The following PDE7B variants were observed in gnomAD, a reference collection of about 807,000 sequenced individuals.
PDE7B encodes phosphodiesterase 7B, also known as 3',5'-cyclic-AMP phosphodiesterase 7B.
In PDE7B, 29 loss-of-function variants were observed where a neutral mutation model predicts 56.2. The observed-to-expected ratio is 0.52, with a 90% confidence interval of 0.38 to 0.70. The LOEUF is 0.70. PDE7B is among the 30% of genes least tolerant of loss of function. The probability of loss-of-function intolerance (pLI) is 0.00; values close to 1 mark genes in which losing one functional copy is unlikely to be tolerated. For synonymous variants in PDE7B, 197 were observed against 196.9 expected, an observed-to-expected ratio of 1.00 and a Z score of 0.00; for missense variants, 490 against 565.0, an observed-to-expected ratio of 0.87 and a Z score of 1.35.
At chr6:136,005,740 CT>C (rs1199398676) in intron 2 of PDE7B, among the ~76,000 whole-genome samples, 9 of 152,142 alleles carry the variant, frequency 5.9e-5, no homozygotes, top group African/African-American at 2.2e-4. Context: ...AATAGGAACA[CT>C]TTTACACTGT....
intron 3 of PDE7B, among the ~76,000 whole-genome samples, chr6:136,142,004 G>A (rs147192023): frequency 1.5e-3 from 223 of 152,024 alleles, no homozygotes; most frequent in African/African-American, 4.1e-3. Flanking sequence ...TAGCTTTTGC[G>A]TGTGTTTGCT....
intron 2 of PDE7B, among the ~76,000 whole-genome samples, chr6:136,017,176 A>C (rs533603250): frequency 6.6e-6 from 1 of 152,344 alleles, no homozygotes; most frequent in East Asian, 1.9e-4. Flanking sequence ...TATATTACAC[A>C]TTCATAGAAC....
chr6:136,155,076 G>A (rs975375329), intron 7 of PDE7B, among the ~76,000 whole-genome samples: 2 of 152,094 alleles, frequency 1.3e-5, no homozygotes, highest in Non-Finnish European at 1.5e-5. Context: ...CCGTGTCTCT[G>A]CTTATTTTCC....
intron 1 of PDE7B, among the ~76,000 whole-genome samples, chr6:135,884,326 G>A (rs551726689): frequency 2.2e-4 from 34 of 152,242 alleles, no homozygotes; most frequent in South Asian, 8.3e-4. Context: ...CTCCAGTGGC[G>A]CAATCAGCTA....
chr6:135,883,367 A>G (rs10872447), intron 1 of PDE7B, among the ~76,000 whole-genome samples: 68,731 of 152,014 alleles, frequency 0.45, 17,000 homozygotes, highest in Non-Finnish European at 0.55. Flanking sequence ...AATAATAACA[A>G]TTCAGCAAAG....
At chr6:136,074,758 T>G (rs1583867076) in intron 2 of PDE7B, among the ~76,000 whole-genome samples, 1 of 152,348 alleles carries the variant, frequency 6.6e-6, no homozygotes, top group Middle Eastern at 3.4e-3. Flanking sequence ...TGACTGGATC[T>G]CATTCTTTTT....
chr6:136,091,558 G>T (rs1248783942), intron 2 of PDE7B, among the ~76,000 whole-genome samples: 1 of 152,174 alleles, frequency 6.6e-6, no homozygotes, highest in Non-Finnish European at 1.5e-5. Context: ...TTACTTAACT[G>T]CTGTTGATGA....
intron 2 of PDE7B, chr6:136,043,958 C>T (rs1583845001): frequency 1.3e-5 from 2 of 152,272 alleles, no homozygotes; most frequent in East Asian, 1.9e-4. Flanking sequence ...TTTTTCCAGT[C>T]TTATTTGTCA....
intron 1 of PDE7B, among the ~76,000 whole-genome samples, chr6:135,855,519 G>T (rs1383269862): frequency 6.6e-6 from 1 of 152,126 alleles, no homozygotes; most frequent in Non-Finnish European, 1.5e-5. Flanking sequence ...ATTTTTATAT[G>T]ATGATCTATA....
At chr6:136,012,447 G>C (rs898045243) in intron 2 of PDE7B, among the ~76,000 whole-genome samples, 2 of 152,158 alleles carry the variant, frequency 1.3e-5, no homozygotes, top group Non-Finnish European at 2.9e-5. Flanking sequence ...TGCTTCCTTT[G>C]TCCTAACTTA....
chr6:136,079,683 C>T lies in PDE7B; in HGVS notation c.83-29048C>T, dbSNP rs1459549282. 5.5e-5 allele frequency among the ~76,000 whole-genome samples: 8 copies of T among 144,416 alleles called. No homozygotes were observed. The South Asian group carries it at 6.5e-4, about 12-fold the overall frequency. The allele number at this position is 144,416 out of a possible 152,430, so 94.7% of individuals were successfully genotyped here. A position where few individuals can be genotyped will look rare whatever the true frequency, so the allele number is the denominator to read the frequency against. ...AGGGCTAAATCCCAACTTTAGCAGC[C>T]GGAAGTCGCAACTGAAGAGACCAGC... On this transcript the variant is annotated intron_variant, in intron 2 of 12. Coordinates refer to ENST00000308191, the MANE Select transcript of PDE7B (RefSeq NM_018945.4).
At chr6:136,034,567 G>A (rs913066699) in intron 2 of PDE7B, 1 of 152,164 alleles carries the variant, frequency 6.6e-6, no homozygotes, top group African/African-American at 2.4e-5. Flanking sequence ...GGCATCACCG[G>A]GGCTCACCTT....
intron 12 of PDE7B, among the ~76,000 whole-genome samples, chr6:136,191,388 C>T (rs1236009313): frequency 1.3e-5 from 2 of 152,202 alleles, no homozygotes; most frequent in Admixed American, 6.5e-5. Flanking sequence ...TAAGTAAGGC[C>T]GGGCACAGTG....
chr6:135,962,980 T>A (rs892224490), intron 2 of PDE7B, among the ~76,000 whole-genome samples: 1 of 152,142 alleles, frequency 6.6e-6, no homozygotes, highest in East Asian at 1.9e-4. Flanking sequence ...CTGCGGCAAA[T>A]GGAAGCCTTC....
chr6:136,031,329 A>C (rs962722552), intron 2 of PDE7B, among the ~76,000 whole-genome samples: 51 of 152,264 alleles, frequency 3.3e-4, no homozygotes, highest in Non-Finnish European at 5.3e-4. Flanking sequence ...GGAATCAGAA[A>C]TCTGCATTTT....
intron 3 of PDE7B, among the ~76,000 whole-genome samples, chr6:136,144,637 G>C (rs1778384976): frequency 6.6e-6 from 1 of 152,034 alleles, no homozygotes; most frequent in African/African-American, 2.4e-5. Context: ...CCAGTTAAGG[G>C]TCATGCATTG....
At chr6:135,926,361 A>C (rs1476101248) in intron 1 of PDE7B, among the ~76,000 whole-genome samples, 3 of 152,148 alleles carry the variant, frequency 2.0e-5, no homozygotes, top group Admixed American at 6.5e-5. Flanking sequence ...TGCTGGGATT[A>C]CAGGCGTGAG....
At position 135,867,482 on chromosome 6, in the gene PDE7B, G is replaced by A. The variant is rs184134137; in HGVS notation, c.21+15463G>A. ...GCAGGATGTGCAGGTTTGTTATGTA[G>A]GGAAACGTGTGTCATGGGGATTTGC... On this transcript the variant is annotated intron_variant, in intron 1 of 12. Transcript: ENST00000308191. Among the ~76,000 whole-genome samples the A allele has an allele frequency of 2.4e-4, 37 of 152,134 alleles. No homozygotes were observed. In the East Asian group the frequency reaches 5.6e-3, roughly 23 times the overall value.
chr6:135,949,889 G>A (rs1258726083), intron 2 of PDE7B, among the ~76,000 whole-genome samples: 1 of 152,120 alleles, frequency 6.6e-6, no homozygotes, highest in Non-Finnish European at 1.5e-5. Flanking sequence ...TAGTGAGTTT[G>A]AGTTGCTCAC....
Sources: gnomAD v4.1 joint callset for allele counts (sites outside exome capture counted in the v4.1 genomes callset) on GRCh38, gnomAD v4.1.1 for gene constraint, MANE v1.5 for transcripts, NCBI Gene and HGNC (gene_info 2026-07-23, HGNC 2026-07-21) for gene names.